The following CCDC33 variants were observed in gnomAD, a reference collection of about 807,000 sequenced individuals.
CCDC33 encodes coiled-coil domain containing 33.
Under a neutral mutation model 91.9 loss-of-function variants are expected in CCDC33, and 94 were observed. That is an observed-to-expected ratio of 1.02 (90% CI 0.87 to 1.21). The LOEUF is 1.21. Among genes scored for constraint, CCDC33 ranks in the 50% most tolerant of loss-of-function variants. The probability of loss-of-function intolerance (pLI) is 0.00; values close to 1 mark genes in which losing one functional copy is unlikely to be tolerated. For missense variants in CCDC33, 940 were observed against 935.5 expected (o/e 1.00, Z -0.06); for synonymous variants, 396 against 374.5 (o/e 1.06, Z -0.66).
Position 74,283,820 on chromosome 15 carries a change from C to CACACACACACA in CCDC33, c.1095+1971_1095+1972insACACACACACA, listed in dbSNP as rs56079858. ...CACACACACACACACACACACACAC[C>CACACACACACA]CCCTCTACATATACACTCTCAATCA... is the stretch of plus-strand genomic sequence containing the variant. On this transcript the variant is annotated intron_variant, in intron 10 of 18. Coordinates refer to ENST00000398814, the MANE Select transcript of CCDC33 (RefSeq NM_025055.5). Among the ~76,000 whole-genome samples, 1,127 of 148,292 alleles carry CACACACACACA rather than the reference C, an allele frequency of 7.6e-3. 16 individuals are homozygous for CACACACACACA. Among genetic ancestry groups the CACACACACACA allele is most frequent in the African/African-American group, 0.022 (873 of 40,528 alleles).
chr15:74,254,290 C>A (rs1245474173), intron 2 of CCDC33, among the ~76,000 whole-genome samples: 1 of 152,192 alleles, frequency 6.6e-6, no homozygotes, highest in African/African-American at 2.4e-5. Flanking sequence ...CTCAGCCTCC[C>A]AAAGTGCTGG....
chr15:74,268,237 G>T, intron 4 of CCDC33, 105 bp from the exon 5 acceptor site: 1 of 793,956 alleles, frequency 1.3e-6, no homozygotes, highest in Non-Finnish European at 2.2e-6. Flanking sequence ...GAGCCCCAGC[G>T]GAGCAATGCC....
chr15:74,268,236 C>A, intron 4 of CCDC33, 106 bp from the exon 5 acceptor site: 4 of 787,678 alleles, frequency 5.1e-6, no homozygotes, highest in Non-Finnish European at 9.1e-6. Flanking sequence ...GGAGCCCCAG[C>A]GGAGCAATGC....
intron 1 of CCDC33, among the ~76,000 whole-genome samples, chr15:74,237,768 G>A (rs780687196): frequency 2.6e-5 from 4 of 152,220 alleles, no homozygotes; most frequent in Admixed American, 6.5e-5. Context: ...GGGAGTGTGC[G>A]TGGGAGTCCT....
chr15:74,307,094 G>A (rs906885612), intron 11 of CCDC33, among the ~76,000 whole-genome samples: 8 of 152,144 alleles, frequency 5.3e-5, no homozygotes, highest in Admixed American at 2.6e-4. Flanking sequence ...TTAAATGGTG[G>A]GTGGGCGAGG....
intron 2 of CCDC33, chr15:74,221,465 C>T (rs2074595296): frequency 4.2e-6 from 1 of 239,900 alleles, no homozygotes; most frequent in African/African-American, 2.3e-5. Flanking sequence ...TTAAATGGCC[C>T]TGCCAATGCT....
intron 7 of CCDC33, 64 bp from the exon 8 acceptor site, chr15:74,279,899 T>C: frequency 6.4e-7 from 1 of 1,561,248 alleles, no homozygotes; most frequent in Non-Finnish European, 8.7e-7. Context: ...ACCAAATATC[T>C]GTGTATGCCT....
chr15:74,311,090 C>T (rs2059985551), intron 11 of CCDC33, among the ~76,000 whole-genome samples: 1 of 152,100 alleles, frequency 6.6e-6, no homozygotes, highest in Non-Finnish European at 1.5e-5. Flanking sequence ...GGCCTGGAGG[C>T]AGGACGGGTG....
intron 17 of CCDC33, 129 bp from the exon 18 acceptor site, chr15:74,334,846 G>C: frequency 1.3e-6 from 1 of 779,332 alleles, no homozygotes; most frequent in Non-Finnish European, 2.2e-6. Context: ...TCTCGGGAAG[G>C]TGTCAAGCCC....
chr15:74,210,301 A>G (rs2074349079), intron 2 of CCDC33, among the ~76,000 whole-genome samples: 1 of 152,254 alleles, frequency 6.6e-6, no homozygotes, highest in Non-Finnish European at 1.5e-5. Context: ...ATATCCATCC[A>G]TCAATGCTGA....
At chr15:74,237,613 GC>G (rs1295763519) in intron 1 of CCDC33, among the ~76,000 whole-genome samples, 2 of 152,014 alleles carry the variant, frequency 1.3e-5, no homozygotes, top group Non-Finnish European at 2.9e-5. Context: ...GCCCACAGCT[GC>G]CCCCCACCCC....
intron 2 of CCDC33, chr15:74,221,264 A>G (rs575375417): frequency 4.0e-6 from 1 of 247,326 alleles, no homozygotes; most frequent in Non-Finnish European, 5.4e-6. Context: ...GATGATGGTC[A>G]TGGGGGGCAG....
chr15:74,279,337 C>T (rs755058863), intron 7 of CCDC33, among the ~76,000 whole-genome samples: 28 of 151,846 alleles, frequency 1.8e-4, no homozygotes, highest in Non-Finnish European at 4.1e-4. Flanking sequence ...GTTTTACTGG[C>T]AAATGAAAAA....
At chr15:74,272,050 C>G (rs922368975) in intron 6 of CCDC33, among the ~76,000 whole-genome samples, 1 of 152,216 alleles carries the variant, frequency 6.6e-6, no homozygotes, top group Non-Finnish European at 1.5e-5. Flanking sequence ...AGCTGGAGGG[C>G]AGGTGGTGGG....
chr15:74,244,119 T>C lies in CCDC33; in HGVS notation c.156T>C (p.Asp52=), dbSNP rs2075442082. The part of the protein sequence containing the change: ...HGATNLPACK[D]GSEPWPYVVV... The stretch of plus-strand genomic sequence containing the variant: ...CTACCAACCTGCCTGCCTGCAAGGA[T>C]GGCTCCGAGCCGTGGCCCTATGTGG... The change falls in exon 2 of 19, where the codon GAT becomes GAC. Residue 52 remains aspartate, a synonymous_variant. Transcript: ENST00000398814. The surrounding 1 kb of genome is among the most constrained non-coding windows in gnomAD (Gnocchi z 4.2). The C allele has an allele frequency of 1.9e-6, 3 of 1,613,628 alleles. No individual in the cohort carries two copies. In the African/African-American group the frequency reaches 4.0e-5, roughly 22 times the overall value.
chr15:74,331,666 C>T (rs1203100637), intron 15 of CCDC33, among the ~76,000 whole-genome samples: 4 of 152,216 alleles, frequency 2.6e-5, no homozygotes, highest in African/African-American at 7.2e-5. Flanking sequence ...CAGGATCCGT[C>T]GAATTATTTC....
intron 2 of CCDC33, among the ~76,000 whole-genome samples, chr15:74,229,031 AGAGCC>A (rs2074889504): frequency 6.6e-6 from 1 of 152,210 alleles, no homozygotes; most frequent in Admixed American, 6.5e-5. Flanking sequence ...TCCCGGCTGC[AGAGCC>A]AACCCTGAGG....
intron 11 of CCDC33, among the ~76,000 whole-genome samples, chr15:74,299,043 T>C (rs985578891): frequency 6.6e-6 from 1 of 152,074 alleles, no homozygotes; most frequent in African/African-American, 2.4e-5. Flanking sequence ...CAGTAACCAT[T>C]GTGAGCGACA....
Position 74,268,368 on chromosome 15 carries a change from A to G in CCDC33, c.456A>G (p.Glu152=). The G allele has an allele frequency of 6.2e-7, 1 of 1,613,702 alleles. No individual in the cohort carries two copies. The highest frequency in any genetic ancestry group is 8.5e-7 in the Non-Finnish European group (1 of 1,179,726). The part of the protein sequence containing the change: ...VKPTESGKAD[E]ATAKTQLYAT... ...CCACTGAGTCTGGGAAAGCCGATGA[A>G]GCCACTGCCAAGACCCAGTTGTACG... The change falls in exon 5 of 19, where the codon GAA becomes GAG. Residue 152 remains glutamate (E), a synonymous_variant. Coordinates refer to ENST00000398814, the MANE Select transcript of CCDC33 (RefSeq NM_025055.5).
Sources: gnomAD v4.1 joint callset for allele counts (sites outside exome capture counted in the v4.1 genomes callset) on GRCh38, gnomAD v4.1.1 for gene constraint, Gnocchi (gnomAD v3.1) non-coding constraint, MANE v1.5 for transcripts, NCBI Gene and HGNC (gene_info 2026-07-23, HGNC 2026-07-21) for gene names.